CREBZF: variants seen among roughly 807,000 people sequenced by gnomAD.
CREBZF encodes HCF-binding transcription factor Zhangfei.
A neutral mutation model predicts 21.1 loss-of-function variants in CREBZF; 8 were observed. The ratio of observed to expected loss-of-function variants is 0.38; its 90% CI spans 0.22 to 0.68. The LOEUF (loss-of-function observed/expected upper bound fraction) is 0.68. Ranked by LOEUF, CREBZF falls within the 30% of genes least tolerant of loss-of-function variation. CREBZF has a pLI of 0.51. For missense variants in CREBZF, 518 were observed against 484.3 expected, an observed-to-expected ratio of 1.07 and a Z score of -0.65; for synonymous variants, 270 against 223.3, an observed-to-expected ratio of 1.21 and a Z score of -1.86.
chr11:85,664,804 C>T lies in CREBZF; in HGVS notation c.72G>A (p.Glu24=). ...AGGGCAGCGAACAAGTTGCAGCCGG[C>T]TCCGGGCTCTCACTGCGGGTTGGGG... The part of the protein sequence containing the change: ...SNSPTRSESP[E]PAATCSLPSD... The change falls in exon 1 of 1, where the codon GAG becomes GAA. Residue 24 remains glutamate (E), a synonymous_variant. Coordinates refer to ENST00000527447, the MANE Select transcript of CREBZF (RefSeq NM_001039618.4). This position sits in a 1 kb window ranked among gnomAD's most constrained non-coding sequence, Gnocchi z 5.5. 6.4e-7 allele frequency: 1 copy of T among 1,571,498 alleles called. No individual in the cohort carries two copies. Among genetic ancestry groups the T allele is most frequent in the South Asian group, 1.2e-5 (1 of 85,856 alleles).
In CREBZF at chr11:85,664,115, C is replaced by T; in HGVS notation, c.761G>A (p.Gly254Asp). 6.2e-7 allele frequency: 1 copy of T among 1,613,648 alleles called. No individual in the cohort carries two copies. The highest frequency in any genetic ancestry group is 8.5e-7 in the Non-Finnish European group (1 of 1,180,038). Residue 254 changes from glycine to aspartate, a missense_variant, in exon 1 of 1, where the codon GGC becomes GAC. This residue lies in a region of CREBZF where 114 missense variants were observed against 134.1 expected (regional missense o/e 0.85). Coordinates refer to ENST00000527447, the MANE Select transcript of CREBZF (RefSeq NM_001039618.4). This position sits in a 1 kb window ranked among gnomAD's most constrained non-coding sequence, Gnocchi z 5.5. ...QELRAENREL[G>D]KRVQALQEES... ...CTCCTGCAGTGCCTGTACGCGTTTGCCCAGCTCCCGATTCTCGGCCCGCAG... is the reference window on the plus strand; with the variant it reads ...CTCCTGCAGTGCCTGTACGCGTTTGTCCAGCTCCCGATTCTCGGCCCGCAG...
chr11:85,682,288 A>G lies in CREBZF; in HGVS notation n.147+429T>C, dbSNP rs551378005. ...AAGTTGTTATGAGGGTGGAATGAAA[A>G]GCACCTTGACACATGATAGGTGCAC... On this transcript the variant is annotated intron_variant and non_coding_transcript_variant, in intron 1 of 3. Coordinates refer to the CREBZF transcript ENST00000531515. Among the ~76,000 whole-genome samples the G allele has an allele frequency of 1.5e-3, 221 of 152,180 alleles. 2 individuals are homozygous for G. Among genetic ancestry groups the G allele is most frequent in the Non-Finnish European group, 1.3e-4 (9 of 68,008 alleles).
At chr11:85,665,687 G>A (rs1233618160), upstream of CREBZF, among the ~76,000 whole-genome samples, 1 of 151,956 alleles carries the variant, frequency 6.6e-6, no homozygotes, top group East Asian at 1.9e-4. Context: ...AAAGCAAAAT[G>A]AATGTAGAAT....
chr11:85,668,853 T>C (rs561982246), upstream of CREBZF, among the ~76,000 whole-genome samples: 50 of 149,550 alleles, frequency 3.3e-4, no homozygotes, highest in Non-Finnish European at 5.7e-4. Flanking sequence ...ATACAAAAAA[T>C]TGGCCGGGCG....
chr11:85,679,937 C>A (rs55926731), intron 1 of CREBZF, among the ~76,000 whole-genome samples: 1 of 152,146 alleles, frequency 6.6e-6, no homozygotes, highest in Non-Finnish European at 1.5e-5. Context: ...TTTTTGTTTT[C>A]AATTTTACTA....
chr11:85,681,665 T>C (rs997247939), intron 1 of CREBZF, among the ~76,000 whole-genome samples: 1 of 152,232 alleles, frequency 6.6e-6, no homozygotes. Context: ...CTACTGTTTG[T>C]TGATGTTGCA....
chr11:85,680,187 T>C (rs1031768786), intron 1 of CREBZF, among the ~76,000 whole-genome samples: 1 of 152,204 alleles, frequency 6.6e-6, no homozygotes, highest in Non-Finnish European at 1.5e-5. Context: ...TATTGCTCTA[T>C]AGCTTGTTGT....
intron 1 of CREBZF, among the ~76,000 whole-genome samples, chr11:85,670,272 C>A (rs947652861): frequency 5.0e-5 from 3 of 60,524 alleles, no homozygotes; most frequent in African/African-American, 1.2e-4. Flanking sequence ...CACTTTAATC[C>A]CCCCCCCCCA....
In CREBZF at chr11:85,662,458, C is replaced by T; in HGVS notation, c.*1353G>A. On this transcript the variant is annotated 3_prime_UTR_variant, in exon 1 of 1. Transcript: ENST00000527447. ...TCTTCTGCCCCAACAGCTGTATCCA[C>T]TTTAGCACAAAGAAAAACAAGGATG... 1 of 716,076 alleles carries T rather than the reference C, an allele frequency of 1.4e-6. No individual in the cohort carries two copies. Among genetic ancestry groups the T allele is most frequent in the East Asian group, 2.7e-5 (1 of 37,252 alleles). 44.4% of individuals were successfully genotyped at this position (716,076 alleles called of 1,614,324 possible). A position where few individuals can be genotyped will look rare whatever the true frequency, so the allele number is the denominator to read the frequency against.
intron 1 of CREBZF, among the ~76,000 whole-genome samples, chr11:85,673,123 G>A (rs566658601): frequency 6.6e-6 from 1 of 152,270 alleles, no homozygotes; most frequent in African/African-American, 2.4e-5. Flanking sequence ...ACACAGAAAA[G>A]CACATTGAAA....
intron 1 of CREBZF, among the ~76,000 whole-genome samples, chr11:85,675,178 C>T (rs1368551737): frequency 6.6e-6 from 1 of 151,788 alleles, no homozygotes; most frequent in African/African-American, 2.4e-5. Flanking sequence ...AATTTTTTTT[C>T]TCAAAAATAT....
At chr11:85,675,555 T>C (rs1447730671) in intron 1 of CREBZF, among the ~76,000 whole-genome samples, 2 of 152,048 alleles carry the variant, frequency 1.3e-5, no homozygotes, top group Non-Finnish European at 2.9e-5. Flanking sequence ...TGATCACAGA[T>C]CACCATGACA....
rs770171687 is a variant in CREBZF, at chr11:85,664,456, G to A, written c.420C>T (p.Gly140=). Residue 140 remains glycine, a synonymous_variant, in exon 1 of 1, where the codon GGC becomes GGT. Transcript: ENST00000527447. The surrounding 1 kb of genome is among the most constrained non-coding windows in gnomAD (Gnocchi z 5.5). The part of the protein sequence containing the change: ...LSSSGGGSDS[G]GLWRGDDDDE... ...CGTCATCGTCCCCTCTCCACAGGCC[G>A]CCGCTATCCGAGCCTCCGCCAGACG... 1 of 1,613,546 alleles carries A rather than the reference G, an allele frequency of 6.2e-7. No homozygotes were observed. Among genetic ancestry groups the A allele is most frequent in the South Asian group, 1.1e-5 (1 of 91,066 alleles).
chr11:85,670,530 C>A (rs1172139826), intron 1 of CREBZF, among the ~76,000 whole-genome samples: 2 of 152,038 alleles, frequency 1.3e-5, no homozygotes, highest in Non-Finnish European at 2.9e-5. Context: ...TCTCGATCTC[C>A]TGACCTCGTG....
chr11:85,682,406 T>G (rs2082981853), intron 1 of CREBZF, among the ~76,000 whole-genome samples: 2 of 152,120 alleles, frequency 1.3e-5, no homozygotes, highest in African/African-American at 2.4e-5. Flanking sequence ...CTTTCAAAAT[T>G]TTTCGAAAGG....
At chr11:85,682,596 C>G (rs892407006) in intron 1 of CREBZF, 1 of 472,966 alleles carries the variant, frequency 2.1e-6, no homozygotes, top group Non-Finnish European at 3.7e-6. Flanking sequence ...GCCCCTACCC[C>G]CTGCCCTACT....
Position 85,664,912 on chromosome 11 carries a change from T to C in CREBZF, c.-37A>G, listed in dbSNP as rs1028983703. 2.8e-5 allele frequency: 39 copies of C among 1,396,924 alleles called. No homozygotes were observed. The highest frequency in any genetic ancestry group is 3.5e-5 in the Non-Finnish European group (37 of 1,070,166). 86.5% of individuals were successfully genotyped at this position (1,396,924 alleles called of 1,614,324 possible). Reference sequence around the variant, plus strand: ...GCGGGCCGCGGTAGGCCCCGGCCGCTAAGAGTGGGCCTCACGGGCCCCAAG... The same window carrying C: ...GCGGGCCGCGGTAGGCCCCGGCCGCCAAGAGTGGGCCTCACGGGCCCCAAG... On this transcript the variant is annotated 5_prime_UTR_variant, in exon 1 of 1. Coordinates refer to ENST00000527447, the MANE Select transcript of CREBZF (RefSeq NM_001039618.4). This position sits in a 1 kb window ranked among gnomAD's most constrained non-coding sequence, Gnocchi z 5.5.
In CREBZF at chr11:85,663,823, A is replaced by G. The variant is rs1331654501; in HGVS notation, c.1053T>C (p.Ser351=). ...CSACARKASS[S]LKM is the part of the protein sequence containing the mutation. ...AGATTACTTGACCCTACATTTTAAG[A>G]GAAGACGACGCCTTCCGGGCGCACG... is the stretch of plus-strand genomic sequence containing the variant. The change falls in exon 1 of 1, where the codon TCT becomes TCC. Residue 351 remains serine (S), a synonymous_variant. Coordinates refer to ENST00000527447, the MANE Select transcript of CREBZF (RefSeq NM_001039618.4). 1 of 1,599,866 alleles carries G rather than the reference A, an allele frequency of 6.3e-7. No homozygotes were observed. The highest frequency in any genetic ancestry group is 8.5e-7 in the Non-Finnish European group (1 of 1,175,438).
intron 1 of CREBZF, among the ~76,000 whole-genome samples, chr11:85,682,368 A>G (rs1257350637): frequency 6.6e-6 from 1 of 152,144 alleles, no homozygotes; most frequent in Non-Finnish European, 1.5e-5. Flanking sequence ...AGAGGCATCT[A>G]TCTTTGGCTT....
Sources: allele counts gnomAD v4.1 joint callset (sites outside exome capture counted in the v4.1 genomes callset), GRCh38; gene constraint gnomAD v4.1.1; regional missense constraint gnomAD v4.1.1; non-coding constraint Gnocchi (gnomAD v3.1); transcripts MANE v1.5; gene names NCBI Gene and HGNC (gene_info 2026-07-23, HGNC 2026-07-21).